Variants in VSTM2B observed in about 807,000 individuals in gnomAD.
The protein encoded by VSTM2B is V-set and transmembrane domain-containing protein 2B.
Under a neutral mutation model 24.0 loss-of-function variants are expected in VSTM2B, and 24 were observed. The ratio of observed to expected loss-of-function variants is 1.00; its 90% CI spans 0.72 to 1.40. VSTM2B has a LOEUF of 1.40. Ranked by LOEUF, VSTM2B falls within the 40% of genes most tolerant of loss-of-function variation. The pLI is 0.00. For missense variants in VSTM2B, 399 were observed against 416.4 expected, an observed-to-expected ratio of 0.96 and a Z score of 0.36; for synonymous variants, 226 against 194.4, an observed-to-expected ratio of 1.16 and a Z score of -1.35.
chr19:29,531,614 G>C (rs565640092), intron 4 of VSTM2B, among the ~76,000 whole-genome samples: 1 of 152,292 alleles, frequency 6.6e-6, no homozygotes, highest in East Asian at 1.9e-4. Context: ...TGCGTCTCAG[G>C]CTATTGGCTT....
chr19:29,527,191 C>A lies in VSTM2B; in HGVS notation c.83-20C>A. 1 of 1,543,598 alleles carries A rather than the reference C, an allele frequency of 6.5e-7. No homozygotes were observed. Among genetic ancestry groups the A allele is most frequent in the African/African-American group, 1.4e-5 (1 of 72,686 alleles). On this transcript the variant is annotated intron_variant, in intron 1 of 4. Transcript: ENST00000335523. The stretch of plus-strand genomic sequence containing the variant: ...CCGACCTACAGCTGGTCACGCCTCT[C>A]TCTCTCTCCCCACCCCCAGCTGCAT...
chr19:29,552,778 T>C (rs1970316000), intron 4 of VSTM2B, among the ~76,000 whole-genome samples: 1 of 152,166 alleles, frequency 6.6e-6, no homozygotes, highest in Non-Finnish European at 1.5e-5. Context: ...CCCCTGCCAG[T>C]ACTGGGGAGA....
intron 4 of VSTM2B, among the ~76,000 whole-genome samples, chr19:29,531,830 G>A (rs527286544): frequency 7.9e-5 from 12 of 152,218 alleles, no homozygotes; most frequent in Middle Eastern, 3.2e-3. Context: ...AATATTCCTC[G>A]TTCATATCAA....
intron 4 of VSTM2B, among the ~76,000 whole-genome samples, chr19:29,555,700 A>G: frequency 6.6e-6 from 1 of 150,396 alleles, no homozygotes; most frequent in African/African-American, 2.4e-5. Context: ...AGAATGAAAT[A>G]GAAAATAAAA....
At chr19:29,546,062 G>A (rs1426567395) in intron 4 of VSTM2B, among the ~76,000 whole-genome samples, 1 of 152,074 alleles carries the variant, frequency 6.6e-6, no homozygotes, top group Non-Finnish European at 1.5e-5. Flanking sequence ...TGGGGTAATG[G>A]CAGGGGCAGG....
intron 4 of VSTM2B, among the ~76,000 whole-genome samples, chr19:29,540,798 T>A (rs754548202): frequency 2.6e-5 from 4 of 152,206 alleles, no homozygotes; most frequent in Admixed American, 6.5e-5. Flanking sequence ...GATCAAATAG[T>A]CACATAGCAA....
chr19:29,559,503 T>C (rs998973778), intron 4 of VSTM2B, among the ~76,000 whole-genome samples: 1 of 152,216 alleles, frequency 6.6e-6, no homozygotes, highest in South Asian at 2.1e-4. Context: ...GAGAAATACC[T>C]AATGTAGGTG....
chr19:29,542,380 T>C (rs1175353954), intron 4 of VSTM2B, among the ~76,000 whole-genome samples: 1 of 149,856 alleles, frequency 6.7e-6, no homozygotes, highest in Non-Finnish European at 1.5e-5. Flanking sequence ...GGTGAATCAA[T>C]GTGTGAATGG....
chr19:29,533,687 G>C (rs529712580), intron 4 of VSTM2B, among the ~76,000 whole-genome samples: 1 of 152,184 alleles, frequency 6.6e-6, no homozygotes, highest in African/African-American at 2.4e-5. Flanking sequence ...ACCTCACCCC[G>C]GTCACCCAAG....
intron 4 of VSTM2B, among the ~76,000 whole-genome samples, chr19:29,537,482 C>T (rs911549325): frequency 1.3e-5 from 2 of 152,134 alleles, no homozygotes; most frequent in Non-Finnish European, 2.9e-5. Flanking sequence ...AGACCTTGTG[C>T]AAAGCCTGTC....
In VSTM2B at chr19:29,526,834, C is replaced by G; in HGVS notation, c.82+169C>G. ...GGAGAGGCGAGCGGCGAAGGGTCGCCGCAGCAGCAGCGCCGCGCCCGAGTC... is the reference window on the plus strand; with the variant it reads ...GGAGAGGCGAGCGGCGAAGGGTCGCGGCAGCAGCAGCGCCGCGCCCGAGTC... On this transcript the variant is annotated intron_variant, in intron 1 of 4. Transcript: ENST00000335523. This position sits in a 1 kb window ranked among gnomAD's most constrained non-coding sequence, Gnocchi z 4.1. 3.4e-6 allele frequency: 2 copies of G among 588,078 alleles called. No individual in the cohort carries two copies. The highest frequency in any genetic ancestry group is 3.6e-5 in the Admixed American group (1 of 27,844). The allele number at this position is 588,078 out of a possible 1,614,324, so 36.4% of individuals were successfully genotyped here.
intron 4 of VSTM2B, among the ~76,000 whole-genome samples, chr19:29,563,153 G>A (rs2145524222): frequency 6.6e-6 from 1 of 152,220 alleles, no homozygotes; most frequent in African/African-American, 2.4e-5. Context: ...GAATTGTGTG[G>A]GATCGTGTAG....
chr19:29,529,106 C>G, intron 3 of VSTM2B: 1 of 985,416 alleles, frequency 1.0e-6, no homozygotes, highest in Non-Finnish European at 1.2e-6. Context: ...GGTGAGGGCT[C>G]CCTGGGTGTT....
In VSTM2B at chr19:29,529,962, C is replaced by A. The variant is rs748881464; in HGVS notation, c.441C>A (p.Arg147=). 6.5e-7 allele frequency: 1 copy of A among 1,548,006 alleles called. No homozygotes were observed. The highest frequency in any genetic ancestry group is 1.4e-5 in the African/African-American group (1 of 73,158). ...TQEHKAQAML[R]VLSRFAPPNM... ...AGCACAAGGCCCAGGCGATGCTGCG[C>A]GTGCTCTCGCGCTTCGCGCCGCCCA... is the stretch of plus-strand genomic sequence containing the variant. Residue 147 remains arginine, a synonymous_variant, in exon 4 of 5, where the codon CGC becomes CGA. Transcript: ENST00000335523.
At chr19:29,553,277 C>T (rs1476256175) in intron 4 of VSTM2B, among the ~76,000 whole-genome samples, 1 of 152,202 alleles carries the variant, frequency 6.6e-6, no homozygotes, top group Non-Finnish European at 1.5e-5. Context: ...GTAGCCTCCA[C>T]TGATGACACC....
At chr19:29,548,287 C>T (rs1970195346) in intron 4 of VSTM2B, among the ~76,000 whole-genome samples, 1 of 152,104 alleles carries the variant, frequency 6.6e-6, no homozygotes, top group African/African-American at 2.4e-5. Context: ...GAGCTGACTA[C>T]CCAGGGCCTG....
At chr19:29,558,880 A>T (rs971073319) in intron 4 of VSTM2B, among the ~76,000 whole-genome samples, 2 of 152,216 alleles carry the variant, frequency 1.3e-5, no homozygotes, top group Non-Finnish European at 1.5e-5. Context: ...AAATTTTTTT[A>T]AAAAGAAACA....
At chr19:29,530,448 C>CCTT (rs1213250524) in intron 4 of VSTM2B, among the ~76,000 whole-genome samples, 158 bp downstream of exon 4, 8 of 152,152 alleles carry the variant, frequency 5.3e-5, no homozygotes, top group Admixed American at 4.6e-4. Flanking sequence ...CCCCCCAGGG[C>CCTT]CTTCTTCCCG....
intron 4 of VSTM2B, among the ~76,000 whole-genome samples, chr19:29,533,212 G>A (rs1969800598): frequency 1.3e-5 from 2 of 152,178 alleles, no homozygotes. Context: ...TAGGACCTTG[G>A]GCACCCACCA....
Sources: gnomAD v4.1 joint callset for allele counts (sites outside exome capture counted in the v4.1 genomes callset) on GRCh38, gnomAD v4.1.1 for gene constraint, Gnocchi (gnomAD v3.1) non-coding constraint, MANE v1.5 for transcripts, NCBI Gene and HGNC (gene_info 2026-07-23, HGNC 2026-07-21) for gene names.